Variants in R3HDM2 observed in about 807,000 individuals in gnomAD.
The protein encoded by R3HDM2 is R3H domain-containing protein 2.
R3HDM2 carries 38 observed loss-of-function variants against 124.5 expected under a neutral mutation model. That is an observed-to-expected ratio of 0.31 (90% confidence interval 0.24 to 0.40). The LOEUF (loss-of-function observed/expected upper bound fraction) is 0.40. Ranked by LOEUF, R3HDM2 falls within the 10% of genes least tolerant of loss-of-function variation. The probability of loss-of-function intolerance (pLI) is 1.00; values close to 1 mark genes in which losing one functional copy is unlikely to be tolerated. For synonymous variants in R3HDM2, 391 were observed against 448.0 expected, an observed-to-expected ratio of 0.87 and a Z score of 1.61; for missense variants, 869 against 1,236.9, an observed-to-expected ratio of 0.70 and a Z score of 4.46.
chr12:57,358,065 G>A, intron 2 of R3HDM2, among the ~76,000 whole-genome samples: 1 of 149,706 alleles, frequency 6.7e-6, no homozygotes. Flanking sequence ...TTCAACCCCT[G>A]CCTCCCAGAT....
At chr12:57,281,005 G>A (rs186742208) in intron 13 of R3HDM2, among the ~76,000 whole-genome samples, 111 of 152,192 alleles carry the variant, frequency 7.3e-4, no homozygotes, top group African/African-American at 2.0e-3. Context: ...GCTGAGGGCC[G>A]GGCGCAGTGG....
intron 2 of R3HDM2, among the ~76,000 whole-genome samples, chr12:57,388,060 GTTCAAGCGA>G (rs1246083582): frequency 6.6e-6 from 1 of 152,058 alleles, no homozygotes; most frequent in Non-Finnish European, 1.5e-5. Context: ...CGCCTCCCAG[GTTCAAGCGA>G]TTCTCTTGCC....
chr12:57,270,007 T>C lies in R3HDM2; in HGVS notation c.1345-13A>G. 1 of 1,613,998 alleles carries C rather than the reference T, an allele frequency of 6.2e-7. No individual in the cohort carries two copies. The highest frequency in any genetic ancestry group is 2.2e-5 in the East Asian group (1 of 44,886). ...TGAGGTCATCTGCCTGTTGAGAGAG[T>C]ATAAGACACAGGATTGGGGCTGTAT... is the stretch of plus-strand genomic sequence containing the variant. On this transcript the variant is annotated splice_polypyrimidine_tract_variant and intron_variant, in intron 14 of 23. Transcript: ENST00000402412.
chr12:57,254,699 G>C lies in R3HDM2; in HGVS notation c.*74C>G. ...TTCCTTACTTCCTGCCTCTGTCCAT[G>C]GTCTGTCAGGATCCTTCAACCCCCT... On this transcript the variant is annotated 3_prime_UTR_variant, in exon 24 of 24. Coordinates refer to ENST00000402412, the MANE Select transcript of R3HDM2 (RefSeq NM_001394031.1). 7.8e-7 allele frequency: 1 copy of C among 1,287,072 alleles called. No individual in the cohort carries two copies. Among genetic ancestry groups the C allele is most frequent in the South Asian group, 1.4e-5 (1 of 68,980 alleles). The allele number at this position is 1,287,072 out of a possible 1,614,324, so 79.7% of individuals were successfully genotyped here. A position where few individuals can be genotyped will look rare whatever the true frequency, so the allele number is the denominator to read the frequency against.
chr12:57,335,513 T>A (rs1283541448), intron 2 of R3HDM2, among the ~76,000 whole-genome samples: 1 of 115,424 alleles, frequency 8.7e-6, no homozygotes, highest in African/African-American at 3.5e-5. Context: ...TTTTTTTTTT[T>A]AAGTGACAGC....
chr12:57,381,623 AG>A (rs1258981372), intron 2 of R3HDM2, among the ~76,000 whole-genome samples: 1 of 152,104 alleles, frequency 6.6e-6, no homozygotes, highest in Admixed American at 6.6e-5. Context: ...AATAAAGAAA[AG>A]AAAATAGGAT....
At chr12:57,342,908 A>G (rs2059708096) in intron 2 of R3HDM2, among the ~76,000 whole-genome samples, 1 of 152,202 alleles carries the variant, frequency 6.6e-6, no homozygotes, top group African/African-American at 2.4e-5. Context: ...CAGACAGCAC[A>G]GGATACCAGT....
intron 2 of R3HDM2, among the ~76,000 whole-genome samples, chr12:57,337,518 C>A (rs890697892): frequency 6.6e-6 from 1 of 152,032 alleles, no homozygotes; most frequent in Non-Finnish European, 1.5e-5. Flanking sequence ...CAGTGGGAGT[C>A]ATAAATTGTA....
Position 57,297,403 on chromosome 12 carries a change from TAAAAC to T in R3HDM2, c.501-21_501-17del, listed in dbSNP as rs541505372. 3.0e-5 allele frequency: 44 copies of T among 1,490,574 alleles called. No homozygotes were observed. In the South Asian group the frequency reaches 4.4e-4, roughly 15 times the overall value. 92.3% of individuals were successfully genotyped at this position (1,490,574 alleles called of 1,614,324 possible). ...CATTCTGTCCCTGTTTAAAAAAGATTAAAACAAAACAAAACAAAACAAAAAGCAGC... is the reference window on the plus strand; with the variant it reads ...CATTCTGTCCCTGTTTAAAAAAGATTAAAACAAAACAAAACAAAAAGCAGC... On this transcript the variant is annotated splice_polypyrimidine_tract_variant and intron_variant, in intron 7 of 23. Transcript: ENST00000402412.
intron 2 of R3HDM2, among the ~76,000 whole-genome samples, chr12:57,369,469 A>T (rs2063056662): frequency 6.6e-6 from 1 of 152,232 alleles, no homozygotes. Context: ...GTAATAAATA[A>T]GCACTAACTT....
chr12:57,411,391 TG>T (rs1423958866), intron 1 of R3HDM2, among the ~76,000 whole-genome samples: 1 of 152,198 alleles, frequency 6.6e-6, no homozygotes, highest in Non-Finnish European at 1.5e-5. Context: ...CTCAAACTCC[TG>T]ACCTCAAGTG....
intron 2 of R3HDM2, among the ~76,000 whole-genome samples, chr12:57,366,431 C>A (rs1023467257): frequency 6.6e-6 from 1 of 152,176 alleles, no homozygotes; most frequent in African/African-American, 2.4e-5. Flanking sequence ...CACTATATTT[C>A]TCATCTCAGA....
chr12:57,409,692 C>G (rs552892946), intron 1 of R3HDM2, among the ~76,000 whole-genome samples: 1 of 132,962 alleles, frequency 7.5e-6, no homozygotes, highest in Non-Finnish European at 1.7e-5. Flanking sequence ...CCCTTTATCC[C>G]TTTTGTAAAA....
chr12:57,319,910 TAA>T (rs1456287335), intron 2 of R3HDM2, among the ~76,000 whole-genome samples: 2 of 152,040 alleles, frequency 1.3e-5, no homozygotes, highest in Non-Finnish European at 2.9e-5. Flanking sequence ...TCTTGGGGCA[TAA>T]AGATTCCTGG....
intron 15 of R3HDM2, 62 bp from the exon 16 acceptor site, chr12:57,269,511 C>T: frequency 1.3e-6 from 2 of 1,589,944 alleles, no homozygotes; most frequent in East Asian, 4.5e-5. Flanking sequence ...CATCAGCATA[C>T]TACTATAAAT....
intron 2 of R3HDM2, among the ~76,000 whole-genome samples, chr12:57,345,691 C>T (rs2060021213): frequency 6.6e-6 from 1 of 152,030 alleles, no homozygotes; most frequent in Non-Finnish European, 1.5e-5. Flanking sequence ...CAGGCATGTG[C>T]CCCCATGCCC....
intron 2 of R3HDM2, among the ~76,000 whole-genome samples, chr12:57,364,709 C>T (rs992134097): frequency 2.0e-5 from 3 of 151,766 alleles, no homozygotes; most frequent in African/African-American, 4.8e-5. Flanking sequence ...AATCCCAGCA[C>T]TTTGGGAGGC....
intron 1 of R3HDM2, among the ~76,000 whole-genome samples, chr12:57,417,933 G>A (rs1438883548): frequency 6.6e-6 from 1 of 152,102 alleles, no homozygotes; most frequent in Non-Finnish European, 1.5e-5. Flanking sequence ...CCTGGGGCTC[G>A]ATGTCAACTC....
Position 57,360,028 on chromosome 12 carries a change from CATAT to C in R3HDM2, c.-36+35717_-36+35720del, listed in dbSNP as rs1279892811. 7.6e-3 allele frequency among the ~76,000 whole-genome samples: 715 copies of C among 94,118 alleles called. 7 individuals carry two copies. Among genetic ancestry groups the C allele is most frequent in the South Asian group, 0.013 (42 of 3,346 alleles). 61.7% of individuals were successfully genotyped at this position (94,118 alleles called of 152,430 possible). On this transcript the variant is annotated intron_variant, in intron 2 of 23. Coordinates refer to ENST00000402412, the MANE Select transcript of R3HDM2 (RefSeq NM_001394031.1). ...ATAAATATATATATATATATACACA[CATAT>C]ATATATATATATATATTTTTTTTTT...
Sources: allele counts gnomAD v4.1 joint callset (sites outside exome capture counted in the v4.1 genomes callset), GRCh38; gene constraint gnomAD v4.1.1; transcripts MANE v1.5; gene names NCBI Gene and HGNC (gene_info 2026-07-23, HGNC 2026-07-21).